Variants in ABCG1 observed in about 807,000 individuals in gnomAD.
The protein encoded by ABCG1 is ATP binding cassette subfamily G member 1, also known as ATP-binding cassette sub-family G member 1.
Under a neutral mutation model 69.2 loss-of-function variants are expected in ABCG1, and 29 were observed. The ratio of observed to expected loss-of-function variants is 0.42; its 90% CI spans 0.31 to 0.57. The LOEUF (loss-of-function observed/expected upper bound fraction) is 0.57, where lower values mean the gene tolerates loss of function less well. ABCG1 is among the 20% of genes least tolerant of loss of function. The pLI, the probability that ABCG1 is intolerant of heterozygous loss-of-function variation, is 0.15. For missense variants in ABCG1, 718 were observed against 898.1 expected (o/e 0.80, Z 2.56); for synonymous variants, 370 against 374.8 (o/e 0.99, Z 0.15).
intron 2 of ABCG1, among the ~76,000 whole-genome samples, chr21:42,236,230 G>A (rs966486851): frequency 8.5e-5 from 13 of 152,232 alleles, no homozygotes; most frequent in African/African-American, 2.9e-4. Context: ...CACGCTTCCC[G>A]GCTGCCTGCC....
At chr21:42,284,516 T>C (rs2068899419) in intron 6 of ABCG1, 44 bp from the exon 7 acceptor site, 1 of 1,603,846 alleles carries the variant, frequency 6.2e-7, no homozygotes, top group Non-Finnish European at 8.5e-7. Context: ...CAGTGGCTAG[T>C]TCCTGCCGCC....
chr21:42,240,996 C>T (rs1179776088), intron 2 of ABCG1, among the ~76,000 whole-genome samples: 1 of 152,270 alleles, frequency 6.6e-6, no homozygotes, highest in Non-Finnish European at 1.5e-5. Context: ...GAATTCAGGG[C>T]ATGGGCAGAC....
Position 42,287,595 on chromosome 21 carries a change from A to C in ABCG1, c.974-294A>C, listed in dbSNP as rs2068966428. Reference sequence around the variant, plus strand: ...GGCTGGCCCAGAGCAGGCATTCAGTAAGTACCGGCTGGATGAGCAGTCGGT... The same window carrying C: ...GGCTGGCCCAGAGCAGGCATTCAGTCAGTACCGGCTGGATGAGCAGTCGGT... On this transcript the variant is annotated intron_variant, in intron 8 of 14. Transcript: ENST00000398449. The surrounding 1 kb of genome is among the most constrained non-coding windows in gnomAD (Gnocchi z 6.2). 6.6e-6 allele frequency among the ~76,000 whole-genome samples: 1 copy of C among 152,178 alleles called. No homozygotes were observed. Among genetic ancestry groups the C allele is most frequent in the East Asian group, 1.9e-4 (1 of 5,198 alleles).
At chr21:42,235,727 A>G (rs976571412) in intron 2 of ABCG1, among the ~76,000 whole-genome samples, 2 of 152,216 alleles carry the variant, frequency 1.3e-5, no homozygotes, top group African/African-American at 4.8e-5. Context: ...TGAGGCCTCC[A>G]GGCAGCAGGC....
At position 42,263,022 on chromosome 21, in the gene ABCG1, C is replaced by T. The variant is rs918330797; in HGVS notation, c.287-8048C>T. 5.9e-5 allele frequency among the ~76,000 whole-genome samples: 9 copies of T among 152,320 alleles called. No homozygotes were observed. The South Asian group carries it at 1.9e-3, about 32-fold the overall frequency. ...TGAGGAAAACTCTCCTAGCCCCGAG[C>T]GATGCTGCCGTGTCCCCCGACTCTT... is the stretch of plus-strand genomic sequence containing the variant. On this transcript the variant is annotated intron_variant, in intron 2 of 14. Transcript: ENST00000398449.
chr21:42,268,949 A>C (rs1260102831), intron 2 of ABCG1, among the ~76,000 whole-genome samples: 1 of 152,170 alleles, frequency 6.6e-6, no homozygotes, highest in African/African-American at 2.4e-5. Context: ...GGTCAGCCCC[A>C]GGCACTGTCA....
Position 42,296,207 on chromosome 21 carries a change from C to G in ABCG1, c.1816C>G (p.Arg606Gly). The G allele has an allele frequency of 6.2e-7, 1 of 1,614,100 alleles. No homozygotes were observed. ...GVILSIYGLD[R>G]EDLHCDIDET... Reference sequence around the variant, plus strand: ...CATCCTCTCCATCTATGGCTTAGACCGGGAAGATCTGCACTGTGACATCGA... The same window carrying G: ...CATCCTCTCCATCTATGGCTTAGACGGGGAAGATCTGCACTGTGACATCGA... The change falls in exon 15 of 15, where the codon CGG (arginine) becomes GGG (glycine). Residue 606 changes from arginine (R) to glycine (G), a missense_variant. By Grantham distance (125) the Arg-to-Gly change is moderately radical (BLOSUM62 -2). Around this residue, in one of 2 missense-constraint regions of ABCG1, gnomAD observed 204 missense variants for 323.8 expected, o/e 0.63. Transcript: ENST00000398449. The surrounding 1 kb of genome is among the most constrained non-coding windows in gnomAD (Gnocchi z 5.4).
At position 42,288,196 on chromosome 21, in the gene ABCG1, T is replaced by C. The variant is rs758680281; in HGVS notation, c.1123-15T>C. 1.9e-6 allele frequency: 3 copies of C among 1,613,740 alleles called. No individual in the cohort carries two copies. In the South Asian group the frequency reaches 3.3e-5, roughly 18 times the overall value. On this transcript the variant is annotated splice_polypyrimidine_tract_variant and intron_variant, in intron 9 of 14. Coordinates refer to ENST00000398449, the MANE Select transcript of ABCG1 (RefSeq NM_016818.3). This position sits in a 1 kb window ranked among gnomAD's most constrained non-coding sequence, Gnocchi z 4.8. ...GACTGGCTTTCACCCGCTCCCCTCT[T>C]GCGTGTGTCCTCAGGACTCCTCGTC...
At chr21:42,268,041 T>C (rs1484885641) in intron 2 of ABCG1, among the ~76,000 whole-genome samples, 1 of 152,216 alleles carries the variant, frequency 6.6e-6, no homozygotes, top group African/African-American at 2.4e-5. Flanking sequence ...CTGTTTCAAA[T>C]ACTGAACCTG....
chr21:42,249,698 T>C (rs2068188414), intron 2 of ABCG1, among the ~76,000 whole-genome samples: 1 of 151,926 alleles, frequency 6.6e-6, no homozygotes, highest in South Asian at 2.1e-4. Context: ...AAAGACGGTA[T>C]GGAGCTGTAA....
chr21:42,294,558 G>A lies in ABCG1; in HGVS notation c.1670G>A (p.Gly557Asp), dbSNP rs1163576183. The change falls in exon 14 of 15, where the codon GGC becomes GAC. Residue 557 changes from glycine (G) to aspartate (D), a missense_variant. Transcript: ENST00000398449. ...STSLQVATFV[G>D]PVTAIPVLLF... ...CAACTCCAGGTGGCCACTTTCGTGGGCCCAGTGACAGCCATCCCGGTGCTC... is the reference window on the plus strand; with the variant it reads ...CAACTCCAGGTGGCCACTTTCGTGGACCCAGTGACAGCCATCCCGGTGCTC... 8 of 1,614,116 alleles carry A rather than the reference G, an allele frequency of 5.0e-6. No homozygotes were observed. The highest frequency in any genetic ancestry group is 6.8e-6 in the Non-Finnish European group (8 of 1,179,998).
chr21:42,201,327 T>G (rs1306986118), intron 1 of ABCG1, among the ~76,000 whole-genome samples: 1 of 152,092 alleles, frequency 6.6e-6, no homozygotes, highest in Non-Finnish European at 1.5e-5. Context: ...ATCCCTTGAG[T>G]GCTCAGCTCA....
chr21:42,214,631 C>T (rs2067620434), upstream of ABCG1, among the ~76,000 whole-genome samples: 1 of 152,228 alleles, frequency 6.6e-6, no homozygotes, highest in Non-Finnish European at 1.5e-5. Flanking sequence ...TCTCTCCCTC[C>T]CTCACATCAC....
At chr21:42,252,755 T>C (rs1364646351) in intron 2 of ABCG1, among the ~76,000 whole-genome samples, 1 of 152,138 alleles carries the variant, frequency 6.6e-6, no homozygotes, top group Non-Finnish European at 1.5e-5. Context: ...TCCCTCCTAC[T>C]TTCCGAGCAA....
At chr21:42,216,423 G>C (rs909767138), upstream of ABCG1, among the ~76,000 whole-genome samples, 1 of 152,176 alleles carries the variant, frequency 6.6e-6, no homozygotes, top group African/African-American at 2.4e-5. Flanking sequence ...GAAAAGTCTT[G>C]GCTGGACACC....
In ABCG1 at chr21:42,284,626, C is replaced by T. The variant is rs746599253; in HGVS notation, c.801C>T (p.Arg267=). The T allele has an allele frequency of 1.9e-6, 3 of 1,614,032 alleles. No individual in the cohort carries two copies. The South Asian group carries it at 3.3e-5, about 18-fold the overall frequency. The part of the protein sequence containing the change: ...SLMKGLAQGG[R]SIICTIHQPS... ...TGAAAGGGCTCGCTCAAGGGGGTCG[C>T]TCCATCATTTGCACCATCCACCAGC... The change falls in exon 7 of 15, where the codon CGC becomes CGT. Residue 267 remains arginine, a synonymous_variant. Transcript: ENST00000398449.
rs1048842418 is a variant in ABCG1, at chr21:42,219,754, C to T, written c.42+450C>T. ...GGGCTTGGGGACCGGGGACTTCTCG[C>T]GCCATCCCCAGGAACGCCAGGCAAG... On this transcript the variant is annotated intron_variant, in intron 1 of 14. Transcript: ENST00000398449. The surrounding 1 kb of genome is among the most constrained non-coding windows in gnomAD (Gnocchi z 5.3). 27 of 1,347,178 alleles carry T rather than the reference C, an allele frequency of 2.0e-5. No homozygotes were observed. In the African/African-American group the frequency reaches 3.4e-4, roughly 17 times the overall value. 83.5% of individuals were successfully genotyped at this position (1,347,178 alleles called of 1,614,324 possible). A position where few individuals can be genotyped will look rare whatever the true frequency, so the allele number is the denominator to read the frequency against.
chr21:42,293,117 CT>C (rs2069112140), intron 13 of ABCG1, among the ~76,000 whole-genome samples: 2 of 131,460 alleles, frequency 1.5e-5, no homozygotes, highest in African/African-American at 2.9e-5. Context: ...ACACCACACA[CT>C]ACACACACCA....
At chr21:42,284,432 G>A (rs538529282) in intron 6 of ABCG1, 128 bp from the exon 7 acceptor site, 154 of 1,165,262 alleles carry the variant, frequency 1.3e-4, no homozygotes, top group Non-Finnish European at 1.6e-4. Flanking sequence ...GGCCTGGGAC[G>A]GGGCAGCTGC....
Sources: allele counts gnomAD v4.1 joint callset (sites outside exome capture counted in the v4.1 genomes callset), GRCh38; gene constraint gnomAD v4.1.1; regional missense constraint gnomAD v4.1.1; non-coding constraint Gnocchi (gnomAD v3.1); transcripts MANE v1.5; gene names NCBI Gene and HGNC (gene_info 2026-07-23, HGNC 2026-07-21).